RIT1: variants seen among roughly 807,000 people sequenced by gnomAD.
The protein encoded by RIT1 is Ras like without CAAX 1, also known as GTP-binding protein Rit1.
In RIT1, 6 loss-of-function variants were observed where a neutral mutation model predicts 25.6. That is an observed-to-expected ratio of 0.23 (90% CI 0.13 to 0.46). The LOEUF is 0.46. Among genes scored for constraint, RIT1 ranks in the 20% least tolerant of loss-of-function variants. RIT1 has a pLI of 0.99. For synonymous variants in RIT1, 81 were observed against 94.1 expected (o/e 0.86, Z 0.80); for missense variants, 219 against 284.4 (o/e 0.77, Z 1.65).
intron 5 of RIT1, 31 bp downstream of exon 5, chr1:155,904,280 T>C: frequency 6.8e-7 from 1 of 1,474,430 alleles, no homozygotes; most frequent in Non-Finnish European, 9.5e-7. Flanking sequence ...TTGTATAAGA[T>C]TATAGACAGT....
intron 5 of RIT1, among the ~76,000 whole-genome samples, chr1:155,901,116 C>G (rs1039312545): frequency 2.0e-5 from 3 of 152,110 alleles, no homozygotes; most frequent in African/African-American, 7.2e-5. Context: ...TGCCCGGTCT[C>G]TAGTCTATTT....
rs1673278357 is a variant in RIT1 at position 155,899,979 on chromosome 1, T to C, written c.*409A>G. 4.1e-6 allele frequency: 1 copy of C among 243,118 alleles called. No homozygotes were observed. Among genetic ancestry groups the C allele is most frequent in the African/African-American group, 2.2e-5 (1 of 44,998 alleles). The allele number at this position is 243,118 out of a possible 1,614,324, so 15.1% of individuals were successfully genotyped here. On this transcript the variant is annotated 3_prime_UTR_variant, in exon 6 of 6. Transcript: ENST00000368323. ...CTGTCTCTAGGAAGCATAGTGTGAA[T>C]AGAAGAGACTGAGGTCTTTCTCTGG...
chr1:155,907,906 C>T (rs1039458219), intron 3 of RIT1, among the ~76,000 whole-genome samples: 5 of 150,682 alleles, frequency 3.3e-5, no homozygotes, highest in Non-Finnish European at 7.4e-5. Flanking sequence ...CTGGCTAACA[C>T]GGTGAAACCC....
chr1:155,905,683 T>C (rs1216062945), intron 3 of RIT1, among the ~76,000 whole-genome samples: 1 of 152,132 alleles, frequency 6.6e-6, no homozygotes, highest in Non-Finnish European at 1.5e-5. Flanking sequence ...AAAATTCAAC[T>C]TGAAAATATT....
At chr1:155,910,923 C>T (rs756526089) in intron 1 of RIT1, 119 bp from the exon 2 acceptor site, 5 of 1,552,184 alleles carry the variant, frequency 3.2e-6, no homozygotes, top group Non-Finnish European at 4.4e-6. Context: ...TGGCCTGTCC[C>T]TCTTGCTCAC....
At chr1:155,911,133 G>T in intron 1 of RIT1, 110 bp downstream of exon 1, 1 of 566,496 alleles carries the variant, frequency 1.8e-6, no homozygotes, top group Non-Finnish European at 3.1e-6. Flanking sequence ...AGGCCGCAGG[G>T]GTTCTCTCAC....
chr1:155,900,247 A>C lies in RIT1; in HGVS notation c.*141T>G. 1.5e-6 allele frequency: 1 copy of C among 653,008 alleles called. No individual in the cohort carries two copies. The highest frequency in any genetic ancestry group is 1.9e-5 in the South Asian group (1 of 53,218). The allele number at this position is 653,008 out of a possible 1,614,324, so 40.5% of individuals were successfully genotyped here. A position where few individuals can be genotyped will look rare whatever the true frequency, so the allele number is the denominator to read the frequency against. On this transcript the variant is annotated 3_prime_UTR_variant, in exon 6 of 6. Coordinates refer to ENST00000368323, the MANE Select transcript of RIT1 (RefSeq NM_006912.6). ...TTAACTAAGAGACAATACTTTAAATACCACATCATTAAAAACTCCTAGTAG... is the reference window on the plus strand; with the variant it reads ...TTAACTAAGAGACAATACTTTAAATCCCACATCATTAAAAACTCCTAGTAG...
chr1:155,902,406 G>A (rs1282774103), intron 5 of RIT1, among the ~76,000 whole-genome samples: 1 of 151,490 alleles, frequency 6.6e-6, no homozygotes, highest in East Asian at 1.9e-4. Flanking sequence ...CATGGTGGCA[G>A]GCGCCTGTAA....
chr1:155,901,356 C>A (rs1673308224), intron 5 of RIT1, among the ~76,000 whole-genome samples: 1 of 151,914 alleles, frequency 6.6e-6, no homozygotes, highest in African/African-American at 2.4e-5. Flanking sequence ...AAAAATTTAG[C>A]TGGGGCCAGG....
chr1:155,911,042 A>T, intron 1 of RIT1: 1 of 900,620 alleles, frequency 1.1e-6, no homozygotes, highest in East Asian at 2.7e-5. Flanking sequence ...AAAGAGAAAA[A>T]TAAAAAGATA....
At chr1:155,906,940 T>A (rs551964173) in intron 3 of RIT1, among the ~76,000 whole-genome samples, 2 of 151,924 alleles carry the variant, frequency 1.3e-5, no homozygotes, top group East Asian at 3.9e-4. Context: ...ACCTCATCTC[T>A]ACTAAAAATC....
chr1:155,904,475 A>G lies in RIT1; in HGVS notation c.265T>C (p.Tyr89His), dbSNP rs869025197. 1 of 1,613,948 alleles carries G rather than the reference A, an allele frequency of 6.2e-7. No individual in the cohort carries two copies. The highest frequency in any genetic ancestry group is 8.5e-7 in the Non-Finnish European group (1 of 1,179,896). The change falls in exon 5 of 6, where the codon TAT (tyrosine) becomes CAT (histidine). Residue 89 changes from tyrosine to histidine, a missense_variant. Tyr to His is a moderately conservative substitution (Grantham distance 83). Coordinates refer to ENST00000368323, the MANE Select transcript of RIT1 (RefSeq NM_006912.6). ...ATAAACCCTTCTCCTGCCCTCATAT[A>G]CTGGTCCCGCATGGCTGTAAACTCT... ...QAEFTAMRDQYMRAGEGFIIC... is the reference protein window; with the variant it reads ...QAEFTAMRDQHMRAGEGFIIC...
chr1:155,908,518 C>T (rs1003424031), intron 3 of RIT1, among the ~76,000 whole-genome samples: 2 of 150,894 alleles, frequency 1.3e-5, no homozygotes, highest in Non-Finnish European at 1.5e-5. Flanking sequence ...GCCCTAAATT[C>T]ATTTTATTCC....
intron 3 of RIT1, 26 bp downstream of exon 3, chr1:155,910,424 G>T: frequency 1.9e-6 from 3 of 1,594,172 alleles, no homozygotes; most frequent in Non-Finnish European, 2.6e-6. Context: ...GGTATATTTG[G>T]AAACATAAGT....
At position 155,898,487 on chromosome 1, in the gene RIT1, C is replaced by T. The variant is rs1490676006; in HGVS notation, c.*1901G>A. 2.4e-5 allele frequency: 2 copies of T among 84,344 alleles called. No homozygotes were observed. Among genetic ancestry groups the T allele is most frequent in the African/African-American group, 9.8e-5 (2 of 20,444 alleles). The allele number at this position is 84,344 out of a possible 1,614,324, so 5.2% of individuals were successfully genotyped here. On this transcript the variant is annotated 3_prime_UTR_variant, in exon 6 of 6. Transcript: ENST00000368323. Reference sequence around the variant, plus strand: ...TGGGCAACATAGTGAAACCTCATCTCTATTTAAAAAAAAAAAAAAAAAAAA... The same window carrying T: ...TGGGCAACATAGTGAAACCTCATCTTTATTTAAAAAAAAAAAAAAAAAAAA...
chr1:155,903,605 C>T (rs1186795006), intron 5 of RIT1, among the ~76,000 whole-genome samples: 2 of 152,018 alleles, frequency 1.3e-5, no homozygotes. Context: ...TAGATTGTTT[C>T]TCATTTTCTT....
chr1:155,904,238 G>T, intron 5 of RIT1, 73 bp downstream of exon 5: 8 of 1,206,252 alleles, frequency 6.6e-6, no homozygotes, highest in Non-Finnish European at 9.4e-6. Flanking sequence ...GCCAAGCCAA[G>T]AATCTGTAAG....
At chr1:155,905,779 G>A (rs1673424717) in intron 3 of RIT1, among the ~76,000 whole-genome samples, 1 of 151,414 alleles carries the variant, frequency 6.6e-6, no homozygotes, top group Non-Finnish European at 1.5e-5. Flanking sequence ...TTAACCATGT[G>A]TTATACTTCC....
chr1:155,908,632 G>A lies in RIT1; in HGVS notation c.163+1818C>T, dbSNP rs184878276. On this transcript the variant is annotated intron_variant, in intron 3 of 5. Coordinates refer to ENST00000368323, the MANE Select transcript of RIT1 (RefSeq NM_006912.6). ...GGCTGGAGTGTGATGGCACTATCTC[G>A]GCTCACTGCAACCTCCGCCTCCCAG... 9.5e-5 allele frequency among the ~76,000 whole-genome samples: 14 copies of A among 147,064 alleles called. No homozygotes were observed. In the East Asian group the frequency reaches 2.7e-3, roughly 28 times the overall value.
Sources: allele counts gnomAD v4.1 joint callset (sites outside exome capture counted in the v4.1 genomes callset), GRCh38; gene constraint gnomAD v4.1.1; transcripts MANE v1.5; gene names NCBI Gene and HGNC (gene_info 2026-07-23, HGNC 2026-07-21).